Variants in FRMD4B observed in about 807,000 individuals in gnomAD.
The protein encoded by FRMD4B is FERM domain containing 4B.
A neutral mutation model predicts 141.5 loss-of-function variants in FRMD4B; 74 were observed. The observed-to-expected ratio is 0.52, with a 90% CI of 0.43 to 0.63. FRMD4B has a LOEUF of 0.63. Among genes scored for constraint, FRMD4B ranks in the 30% least tolerant of loss-of-function variants. FRMD4B has a pLI of 0.00. For missense variants in FRMD4B, 1,366 were observed against 1,253.4 expected, an observed-to-expected ratio of 1.09 and a Z score of -1.36; for synonymous variants, 506 against 467.9, an observed-to-expected ratio of 1.08 and a Z score of -1.05.
At chr3:69,364,202 T>C (rs1703568499) in intron 1 of FRMD4B, among the ~76,000 whole-genome samples, 1 of 152,228 alleles carries the variant, frequency 6.6e-6, no homozygotes, top group Non-Finnish European at 1.5e-5. Context: ...CTATCTTGCC[T>C]GTCCCACTCA....
chr3:69,378,795 C>G (rs561952950), intron 1 of FRMD4B, among the ~76,000 whole-genome samples: 2 of 151,882 alleles, frequency 1.3e-5, no homozygotes, highest in African/African-American at 4.8e-5. Context: ...TGTCTCTCTA[C>G]TCATCAAGGT....
At position 69,171,627 on chromosome 3, in the gene FRMD4B, G is replaced by C. The variant is rs1162054199; in HGVS notation, c.*234C>G. 2 of 446,570 alleles carry C rather than the reference G, an allele frequency of 4.5e-6. No individual in the cohort carries two copies. The highest frequency in any genetic ancestry group is 4.0e-5 in the African/African-American group (2 of 50,264). The allele number at this position is 446,570 out of a possible 1,614,324, so 27.7% of individuals were successfully genotyped here. On this transcript the variant is annotated 3_prime_UTR_variant, in exon 23 of 23. Coordinates refer to ENST00000398540, the MANE Select transcript of FRMD4B (RefSeq NM_015123.3). ...TCTCTTGGCAATACTTCAACATGTGGGCAGACCCTACAGTTACGTTAGTGC... is the reference window on the plus strand; with the variant it reads ...TCTCTTGGCAATACTTCAACATGTGCGCAGACCCTACAGTTACGTTAGTGC...
At chr3:69,437,506 CTG>C (rs1705277364) in intron 1 of FRMD4B, among the ~76,000 whole-genome samples, 1 of 144,098 alleles carries the variant, frequency 6.9e-6, no homozygotes, top group Non-Finnish European at 1.5e-5. Flanking sequence ...ATAACATACA[CTG>C]TTATATGTAG....
At chr3:69,421,737 A>T (rs1213227128) in intron 2 of FRMD4B, among the ~76,000 whole-genome samples, 1 of 152,242 alleles carries the variant, frequency 6.6e-6, no homozygotes, top group Non-Finnish European at 1.5e-5. Flanking sequence ...CACAGGTATT[A>T]GTGGCTACCA....
At chr3:69,360,585 TCTC>T (rs1703444991) in intron 1 of FRMD4B, among the ~76,000 whole-genome samples, 2 of 152,158 alleles carry the variant, frequency 1.3e-5, no homozygotes, top group South Asian at 4.1e-4. Context: ...TCTCTTTTTC[TCTC>T]CTCTCTCTCT....
chr3:69,299,408 T>C (rs1255039848), intron 4 of FRMD4B, among the ~76,000 whole-genome samples: 1 of 152,072 alleles, frequency 6.6e-6, no homozygotes, highest in Non-Finnish European at 1.5e-5. Context: ...CATGACAACA[T>C]CCCTGGTAAC....
At chr3:69,523,556 C>G (rs1261448045) in intron 1 of FRMD4B, among the ~76,000 whole-genome samples, 1 of 152,088 alleles carries the variant, frequency 6.6e-6, no homozygotes, top group Non-Finnish European at 1.5e-5. Context: ...GTGTTCTAAA[C>G]AGCAGAAAGA....
chr3:69,533,195 G>A (rs978212489), intron 1 of FRMD4B, among the ~76,000 whole-genome samples: 7 of 152,188 alleles, frequency 4.6e-5, no homozygotes, highest in Non-Finnish European at 8.8e-5. Context: ...GGGGGCAATA[G>A]TCTCATTTGG....
chr3:69,355,867 A>G (rs1703301671), intron 1 of FRMD4B, among the ~76,000 whole-genome samples: 1 of 152,098 alleles, frequency 6.6e-6, no homozygotes, highest in South Asian at 2.1e-4. Context: ...TCTACTACAA[A>G]TACAAAAATT....
intron 3 of FRMD4B, 47 bp downstream of exon 3, chr3:69,311,216 G>C: frequency 2.4e-6 from 2 of 849,908 alleles, no homozygotes; most frequent in Non-Finnish European, 3.9e-6. Context: ...CAGCAAGTAG[G>C]TAGCCCAGGC....
At chr3:69,483,178 T>C (rs1022069021) in intron 1 of FRMD4B, among the ~76,000 whole-genome samples, 6 of 152,220 alleles carry the variant, frequency 3.9e-5, no homozygotes, top group African/African-American at 9.6e-5. Context: ...AGTTACTAAG[T>C]ATGTATGTTT....
At chr3:69,244,520 C>T (rs1321697505) in intron 7 of FRMD4B, among the ~76,000 whole-genome samples, 1 of 152,150 alleles carries the variant, frequency 6.6e-6, no homozygotes, top group African/African-American at 2.4e-5. Flanking sequence ...GTAGTCCCAG[C>T]TGCTTGGGAG....
At chr3:69,180,463 CT>C (rs1280756209) in intron 21 of FRMD4B, among the ~76,000 whole-genome samples, 1 of 151,976 alleles carries the variant, frequency 6.6e-6, no homozygotes, top group Non-Finnish European at 1.5e-5. Flanking sequence ...AGGGTTTATT[CT>C]TTTAAAATAT....
intron 1 of FRMD4B, among the ~76,000 whole-genome samples, chr3:69,530,408 A>G (rs1339844285): frequency 6.6e-6 from 1 of 151,720 alleles, no homozygotes. Context: ...CCCAACCCTC[A>G]CCTCTTCCCT....
At chr3:69,267,636 TAGAGAGAGAGAGAGAG>T (rs55659743) in intron 5 of FRMD4B, among the ~76,000 whole-genome samples, 42 of 32,904 alleles carry the variant, frequency 1.3e-3, no homozygotes, top group East Asian at 3.2e-3. Context: ...TATATATATA[TAGAGAGAGAGAGAGAG>T]AGAGAGAGAG....
chr3:69,261,950 C>T (rs144992939), intron 5 of FRMD4B, among the ~76,000 whole-genome samples: 1,779 of 150,738 alleles, frequency 0.012, 34 homozygotes, highest in African/African-American at 0.041. Flanking sequence ...GGATTACAGG[C>T]TGAGCCACCG....
At chr3:69,474,238 GA>G (rs1453813828) in intron 1 of FRMD4B, among the ~76,000 whole-genome samples, 2 of 152,154 alleles carry the variant, frequency 1.3e-5, no homozygotes, top group African/African-American at 4.8e-5. Flanking sequence ...AAGGAAGAAA[GA>G]AATGTATTTG....
intron 1 of FRMD4B, among the ~76,000 whole-genome samples, chr3:69,480,179 G>A (rs1706093878): frequency 6.6e-6 from 1 of 151,874 alleles, no homozygotes; most frequent in African/African-American, 2.4e-5. Flanking sequence ...GGAGTAGTTT[G>A]ATCGTCTGAA....
chr3:69,525,311 C>T (rs1700916399), intron 1 of FRMD4B, among the ~76,000 whole-genome samples: 1 of 151,982 alleles, frequency 6.6e-6, no homozygotes, highest in Non-Finnish European at 1.5e-5. Context: ...TTTTGGACAG[C>T]AGGAGGAGGT....
Sources: allele counts gnomAD v4.1 joint callset (sites outside exome capture counted in the v4.1 genomes callset), GRCh38; gene constraint gnomAD v4.1.1; transcripts MANE v1.5; gene names NCBI Gene and HGNC (gene_info 2026-07-23, HGNC 2026-07-21).